The following SNX29 variants were observed in gnomAD, a reference collection of about 807,000 sequenced individuals.
SNX29 encodes the protein sorting nexin 29.
In SNX29, 78 loss-of-function variants were observed where a neutral mutation model predicts 102.1. That is an observed-to-expected ratio of 0.76 (90% CI 0.64 to 0.92). The LOEUF is 0.92. Ranked by LOEUF, SNX29 falls within the 40% of genes least tolerant of loss-of-function variation. The pLI is 0.00. For missense variants in SNX29, 1,280 were observed against 1,061.7 expected, an observed-to-expected ratio of 1.21 and a Z score of -2.86; for synonymous variants, 580 against 414.5, an observed-to-expected ratio of 1.40 and a Z score of -4.85.
intron 4 of SNX29, among the ~76,000 whole-genome samples, chr16:12,041,269 G>T (rs2049870030): frequency 6.6e-6 from 1 of 152,074 alleles, no homozygotes; most frequent in Non-Finnish European, 1.5e-5. Context: ...CTGCCACCAT[G>T]CCTGGCTCAT....
intron 14 of SNX29, among the ~76,000 whole-genome samples, chr16:12,203,119 G>A (rs1241807181): frequency 1.3e-5 from 2 of 151,490 alleles, no homozygotes; most frequent in African/African-American, 2.4e-5. Flanking sequence ...AGGTGGACTG[G>A]TGGCATTGGA....
At chr16:12,108,678 G>A (rs952940696) in intron 11 of SNX29, among the ~76,000 whole-genome samples, 1 of 152,160 alleles carries the variant, frequency 6.6e-6, no homozygotes, top group South Asian at 2.1e-4. Flanking sequence ...CATCAGGGAG[G>A]TTCAGTCCAT....
At chr16:12,078,701 A>T (rs1224616976) in intron 10 of SNX29, 132 bp from the exon 11 acceptor site, 5 of 759,758 alleles carry the variant, frequency 6.6e-6, no homozygotes, top group South Asian at 6.0e-5. Context: ...AGGCCTGACT[A>T]ATTTCCAATG....
At chr16:12,456,379 G>C (rs538561451) in intron 18 of SNX29, among the ~76,000 whole-genome samples, 35 of 152,156 alleles carry the variant, frequency 2.3e-4, no homozygotes, top group African/African-American at 8.2e-4. Context: ...AATACAGCAC[G>C]ATACTGGAAA....
At position 12,572,515 on chromosome 16, in the gene SNX29, G is replaced by C. The variant is rs552561419; in HGVS notation, c.*3886G>C. On this transcript the variant is annotated 3_prime_UTR_variant, in exon 21 of 21. Transcript: ENST00000566228. ...CCAGGCCTCGGCCTTCCTGCTCCAC[G>C]TGCTCAAGCCCCCACAGGGGGCTGC... is the stretch of plus-strand genomic sequence containing the variant. The C allele has an allele frequency of 4.7e-6, 5 of 1,063,918 alleles. No individual in the cohort carries two copies. In the Admixed American group the frequency reaches 1.6e-4, roughly 34 times the overall value. 65.9% of individuals were successfully genotyped at this position (1,063,918 alleles called of 1,614,324 possible).
chr16:12,072,197 A>T (rs1232525718), intron 10 of SNX29, among the ~76,000 whole-genome samples: 1 of 151,200 alleles, frequency 6.6e-6, no homozygotes, highest in Non-Finnish European at 1.5e-5. Flanking sequence ...AAAACTTTCA[A>T]CACTATGTTG....
chr16:12,195,733 A>T (rs1049601375), intron 13 of SNX29, among the ~76,000 whole-genome samples: 1 of 152,192 alleles, frequency 6.6e-6, no homozygotes, highest in Non-Finnish European at 1.5e-5. Flanking sequence ...CTTTGAAGTT[A>T]AAGGATATGG....
chr16:12,354,809 G>T (rs751841630), intron 15 of SNX29, among the ~76,000 whole-genome samples: 8 of 152,180 alleles, frequency 5.3e-5, no homozygotes, highest in Non-Finnish European at 1.2e-4. Context: ...AAGGAATAAG[G>T]TAACAAAGGA....
intron 14 of SNX29, among the ~76,000 whole-genome samples, chr16:12,269,836 A>AT (rs2079038007): frequency 7.8e-6 from 1 of 128,818 alleles, no homozygotes; most frequent in East Asian, 2.2e-4. Flanking sequence ...CATCATCATC[A>AT]CCATCATCAT....
chr16:12,479,403 A>G (rs1465014768), intron 19 of SNX29, among the ~76,000 whole-genome samples: 1 of 152,178 alleles, frequency 6.6e-6, no homozygotes, highest in Non-Finnish European at 1.5e-5. Flanking sequence ...CCCAACCCTT[A>G]CATTTACATG....
At chr16:12,233,690 T>C (rs778072335) in intron 14 of SNX29, among the ~76,000 whole-genome samples, 14 of 152,322 alleles carry the variant, frequency 9.2e-5, no homozygotes, top group Non-Finnish European at 1.5e-5. Flanking sequence ...AGTATATTCA[T>C]AGAGTTGTGC....
At chr16:12,329,289 A>AAAAAAT (rs2081223689) in intron 15 of SNX29, among the ~76,000 whole-genome samples, 2 of 151,036 alleles carry the variant, frequency 1.3e-5, no homozygotes, top group Non-Finnish European at 3.0e-5. Context: ...AAAAAAAAAA[A>AAAAAAT]AAAAAAGTGA....
chr16:12,021,449 G>A (rs1172166865), intron 3 of SNX29, among the ~76,000 whole-genome samples: 10 of 151,908 alleles, frequency 6.6e-5, no homozygotes, highest in Non-Finnish European at 1.5e-4. Context: ...CAAGTAAATA[G>A]GTCTTTCTGT....
At chr16:12,531,910 C>G (rs924096880) in intron 20 of SNX29, among the ~76,000 whole-genome samples, 2 of 152,166 alleles carry the variant, frequency 1.3e-5, no homozygotes, top group Non-Finnish European at 2.9e-5. Context: ...TCTCACGTCA[C>G]AAGAAAAACC....
At chr16:12,311,670 C>T (rs567465378) in intron 15 of SNX29, among the ~76,000 whole-genome samples, 96 of 152,336 alleles carry the variant, frequency 6.3e-4, no homozygotes, top group African/African-American at 2.3e-3. Context: ...TTATTTCCTT[C>T]GGAAAAACAC....
intron 18 of SNX29, chr16:12,443,027 G>A: frequency 4.4e-6 from 2 of 455,930 alleles, no homozygotes; most frequent in South Asian, 1.5e-5. Flanking sequence ...TTCTTAGTCT[G>A]TGGGCCGTAT....
intron 20 of SNX29, among the ~76,000 whole-genome samples, chr16:12,563,347 C>A (rs552575864): frequency 6.6e-6 from 1 of 152,186 alleles, no homozygotes; most frequent in Non-Finnish European, 1.5e-5. Context: ...TGGCCATTAT[C>A]CTGAGCCTGT....
chr16:12,530,908 C>T (rs759802871), intron 20 of SNX29, among the ~76,000 whole-genome samples: 2 of 152,140 alleles, frequency 1.3e-5, no homozygotes, highest in Non-Finnish European at 2.9e-5. Flanking sequence ...GTAATAGTAT[C>T]CACCGTAATG....
chr16:12,514,715 A>G (rs1252654384), intron 19 of SNX29, among the ~76,000 whole-genome samples: 1 of 152,094 alleles, frequency 6.6e-6, no homozygotes, highest in Non-Finnish European at 1.5e-5. Context: ...AAATAGAAAG[A>G]TTAGCTGGGC....
Sources: allele counts gnomAD v4.1 joint callset (sites outside exome capture counted in the v4.1 genomes callset), GRCh38; gene constraint gnomAD v4.1.1; transcripts MANE v1.5; gene names NCBI Gene and HGNC (gene_info 2026-07-23, HGNC 2026-07-21).